Variants in PTPRM observed in about 807,000 individuals in gnomAD.
The protein encoded by PTPRM is receptor-type tyrosine-protein phosphatase mu.
PTPRM carries 47 observed loss-of-function variants against 186.7 expected under a neutral mutation model. The observed-to-expected ratio is 0.25, with a 90% CI of 0.20 to 0.32. PTPRM has a LOEUF of 0.32. Ranked by LOEUF, PTPRM falls within the 10% of genes least tolerant of loss-of-function variation. The probability of loss-of-function intolerance (pLI) is 1.00; values close to 1 mark genes in which losing one functional copy is unlikely to be tolerated. For missense variants in PTPRM, 1,494 were observed against 1,865.0 expected, an observed-to-expected ratio of 0.80 and a Z score of 3.66; for synonymous variants, 668 against 674.9, an observed-to-expected ratio of 0.99 and a Z score of 0.16.
At chr18:8,359,885 A>G (rs1598430459) in intron 23 of PTPRM, among the ~76,000 whole-genome samples, 1 of 152,216 alleles carries the variant, frequency 6.6e-6, no homozygotes, top group East Asian at 1.9e-4. Flanking sequence ...CAGCAGGTAT[A>G]TCCTATTCTT....
At chr18:8,170,950 G>A (rs2146452429) in intron 14 of PTPRM, among the ~76,000 whole-genome samples, 1 of 152,290 alleles carries the variant, frequency 6.6e-6, no homozygotes, top group Middle Eastern at 3.4e-3. Flanking sequence ...ATGCCCTGCA[G>A]CAAAAATAAA....
intron 1 of PTPRM, among the ~76,000 whole-genome samples, chr18:7,648,167 G>A (rs555062565): frequency 1.3e-5 from 2 of 152,034 alleles, no homozygotes; most frequent in South Asian, 4.2e-4. Context: ...AGTGATCATC[G>A]ATGTTACTAT....
In PTPRM at chr18:8,140,820, A is replaced by T. The variant is rs570386257; in HGVS notation, c.2168-2827A>T. Among the ~76,000 whole-genome samples, 12 of 152,362 alleles carry T rather than the reference A, an allele frequency of 7.9e-5. No homozygotes were observed. In the South Asian group the frequency reaches 2.1e-3, roughly 26 times the overall value. On this transcript the variant is annotated intron_variant, in intron 13 of 32. Coordinates refer to ENST00000580170, the MANE Select transcript of PTPRM (RefSeq NM_001105244.2). ...GCCTTTTAATAAGCAATTAAAATTT[A>T]TACGAAAAAAAGGAAAAGTTTATAC...
chr18:7,978,653 ATTTC>A (rs1384043094), intron 7 of PTPRM, among the ~76,000 whole-genome samples: 8 of 152,314 alleles, frequency 5.3e-5, no homozygotes, highest in African/African-American at 1.7e-4. Flanking sequence ...TTTATAAAGA[ATTTC>A]TTTGTAGTAC....
At chr18:8,261,492 A>G (rs957735385) in intron 19 of PTPRM, among the ~76,000 whole-genome samples, 1 of 152,164 alleles carries the variant, frequency 6.6e-6, no homozygotes, top group African/African-American at 2.4e-5. Flanking sequence ...TTAGTGGGTG[A>G]AAGTTTCTGC....
chr18:7,581,065 G>A (rs921117000), intron 1 of PTPRM, among the ~76,000 whole-genome samples: 8 of 152,050 alleles, frequency 5.3e-5, no homozygotes, highest in South Asian at 2.1e-4. Context: ...TTTTTCTGTC[G>A]GCTGTTAGAA....
intron 7 of PTPRM, among the ~76,000 whole-genome samples, chr18:8,007,352 T>C (rs1406304377): frequency 6.6e-6 from 1 of 152,138 alleles, no homozygotes; most frequent in East Asian, 1.9e-4. Context: ...GGTAAGAGAA[T>C]CATGTGGATC....
At chr18:7,606,559 A>G (rs997587018) in intron 1 of PTPRM, among the ~76,000 whole-genome samples, 1 of 152,094 alleles carries the variant, frequency 6.6e-6, no homozygotes, top group East Asian at 1.9e-4. Context: ...CCAAGGGTAA[A>G]TATTCCTCTG....
At chr18:8,312,140 G>A (rs138472284) in intron 20 of PTPRM, among the ~76,000 whole-genome samples, 3 of 152,320 alleles carry the variant, frequency 2.0e-5, no homozygotes, top group East Asian at 3.9e-4. Context: ...TGGAGTAGCC[G>A]TGATTCAGTT....
chr18:8,264,688 G>T (rs2094678314), intron 19 of PTPRM, among the ~76,000 whole-genome samples: 1 of 149,550 alleles, frequency 6.7e-6, no homozygotes, highest in Non-Finnish European at 1.5e-5. Context: ...GGAATCACTT[G>T]AACCCAGCAG....
intron 19 of PTPRM, among the ~76,000 whole-genome samples, chr18:8,261,800 G>T (rs2094634622): frequency 6.6e-6 from 1 of 152,158 alleles, no homozygotes; most frequent in South Asian, 2.1e-4. Flanking sequence ...TCCTATTTGT[G>T]TGAAGCACTT....
intron 11 of PTPRM, among the ~76,000 whole-genome samples, chr18:8,094,158 T>C (rs73387757): frequency 0.064 from 9,762 of 152,162 alleles, 1,023 homozygotes; most frequent in African/African-American, 0.22. Context: ...CAATATTATT[T>C]TGAGAAACAA....
chr18:7,729,442 T>C (rs2144384072), intron 1 of PTPRM, among the ~76,000 whole-genome samples: 1 of 152,304 alleles, frequency 6.6e-6, no homozygotes, highest in Non-Finnish European at 1.5e-5. Flanking sequence ...TTGAGTGTTA[T>C]ATTATCTCTT....
intron 23 of PTPRM, among the ~76,000 whole-genome samples, chr18:8,354,018 C>A (rs1211891211): frequency 6.6e-6 from 1 of 152,096 alleles, no homozygotes; most frequent in Non-Finnish European, 1.5e-5. Flanking sequence ...TTGAGTCCAG[C>A]CTGGCCAACA....
intron 2 of PTPRM, among the ~76,000 whole-genome samples, chr18:7,881,661 G>T (rs942020551): frequency 6.6e-6 from 1 of 152,096 alleles, no homozygotes; most frequent in Non-Finnish European, 1.5e-5. Flanking sequence ...CAAGTTCATG[G>T]AGCACCTGGC....
intron 1 of PTPRM, among the ~76,000 whole-genome samples, chr18:7,720,829 T>C (rs900530086): frequency 1.6e-4 from 24 of 152,228 alleles, no homozygotes; most frequent in Non-Finnish European, 2.9e-4. Flanking sequence ...GGATGAATAA[T>C]GTTCCATTGT....
At chr18:8,245,749 A>G (rs1350056227) in intron 15 of PTPRM, among the ~76,000 whole-genome samples, 3 of 152,148 alleles carry the variant, frequency 2.0e-5, no homozygotes, top group Admixed American at 6.5e-5. Context: ...CAAATCTTCT[A>G]TTTCATGGTG....
At chr18:8,336,367 C>T (rs532147075) in intron 22 of PTPRM, among the ~76,000 whole-genome samples, 6 of 151,930 alleles carry the variant, frequency 3.9e-5, no homozygotes, top group Admixed American at 3.9e-4. Flanking sequence ...CAAACCAGCC[C>T]GGGCAACATA....
At chr18:7,735,032 T>C (rs1287578226) in intron 1 of PTPRM, among the ~76,000 whole-genome samples, 1 of 152,164 alleles carries the variant, frequency 6.6e-6, no homozygotes, top group Non-Finnish European at 1.5e-5. Context: ...GAAAAACTAG[T>C]TCAGGTCATG....
Sources: allele counts gnomAD v4.1 joint callset (sites outside exome capture counted in the v4.1 genomes callset), GRCh38; gene constraint gnomAD v4.1.1; transcripts MANE v1.5; gene names NCBI Gene and HGNC (gene_info 2026-07-23, HGNC 2026-07-21).